The following PAPPA2 variants were observed in gnomAD, a reference collection of about 807,000 sequenced individuals.
PAPPA2 encodes pappalysin-2.
A neutral mutation model predicts 176.4 loss-of-function variants in PAPPA2; 86 were observed. The ratio of observed to expected loss-of-function variants is 0.49; its 90% CI spans 0.41 to 0.58. PAPPA2 has a LOEUF of 0.58. Among genes scored for constraint, PAPPA2 ranks in the 20% least tolerant of loss-of-function variants. The pLI is 0.00. For synonymous variants in PAPPA2, 809 were observed against 852.2 expected (o/e 0.95, Z 0.88); for missense variants, 2,073 against 2,256.9 (o/e 0.92, Z 1.65).
chr1:176,711,976 C>T lies in PAPPA2; in HGVS notation c.3793C>T (p.Leu1265Phe). Residue 1265 changes from leucine to phenylalanine, a missense_variant, in exon 12 of 23, where the codon CTC becomes TTC. By Grantham distance (22) the Leu-to-Phe change is conservative. This residue lies in a region of PAPPA2 where 846 missense variants were observed against 857.9 expected (regional missense o/e 0.99). Coordinates refer to ENST00000367662, the MANE Select transcript of PAPPA2 (RefSeq NM_020318.3). ...CCTGAAGAAAGAGGATGAGGTTTGGCTCAAAGTAAGTGGCCCAAATGTTTC... is the reference window on the plus strand; with the variant it reads ...CCTGAAGAAAGAGGATGAGGTTTGGTTCAAAGTAAGTGGCCCAAATGTTTC... ...GSLKKEDEVWLKVCFNRPGEA... is the reference protein window; with the variant it reads ...GSLKKEDEVWFKVCFNRPGEA... 6.2e-7 allele frequency: 1 copy of T among 1,610,914 alleles called. No individual in the cohort carries two copies. Among genetic ancestry groups the T allele is most frequent in the Non-Finnish European group, 8.5e-7 (1 of 1,177,422 alleles).
At chr1:176,497,057 A>G (rs1434039267) in intron 1 of PAPPA2, among the ~76,000 whole-genome samples, 1 of 152,114 alleles carries the variant, frequency 6.6e-6, no homozygotes, top group Admixed American at 6.6e-5. Context: ...GACCTGTGAC[A>G]CATATATGTT....
At chr1:176,660,021 A>G (rs755072628) in intron 3 of PAPPA2, among the ~76,000 whole-genome samples, 10 of 152,138 alleles carry the variant, frequency 6.6e-5, no homozygotes, top group South Asian at 4.1e-4. Context: ...CCTGTCATCT[A>G]GACTAAATAT....
intron 1 of PAPPA2, among the ~76,000 whole-genome samples, chr1:176,496,766 A>G (rs898902680): frequency 2.6e-5 from 4 of 152,214 alleles, no homozygotes; most frequent in African/African-American, 9.6e-5. Flanking sequence ...GAGCCTAAGA[A>G]GAAAGGAAAG....
intron 1 of PAPPA2, among the ~76,000 whole-genome samples, chr1:176,518,254 A>AT (rs1649025015): frequency 6.6e-6 from 1 of 152,162 alleles, no homozygotes; most frequent in Non-Finnish European, 1.5e-5. Context: ...CTAACTTTAA[A>AT]TAAGAATACA....
At chr1:176,726,923 T>C (rs903600114) in intron 12 of PAPPA2, among the ~76,000 whole-genome samples, 14 of 152,146 alleles carry the variant, frequency 9.2e-5, no homozygotes, top group African/African-American at 3.1e-4. Context: ...AAATAATATA[T>C]ATGACCACAA....
chr1:176,755,237 G>C (rs1663359289), intron 14 of PAPPA2, among the ~76,000 whole-genome samples: 1 of 152,180 alleles, frequency 6.6e-6, no homozygotes, highest in Non-Finnish European at 1.5e-5. Flanking sequence ...GAAGTAGGGA[G>C]AGGTAGAGTC....
intron 2 of PAPPA2, among the ~76,000 whole-genome samples, chr1:176,589,631 A>G (rs1298289366): frequency 6.6e-6 from 1 of 152,226 alleles, no homozygotes; most frequent in East Asian, 1.9e-4. Context: ...ATGGGCTATC[A>G]TAGTTCAGTT....
intron 21 of PAPPA2, among the ~76,000 whole-genome samples, chr1:176,823,745 C>T (rs1666753504): frequency 6.6e-6 from 1 of 152,126 alleles, no homozygotes; most frequent in African/African-American, 2.4e-5. Context: ...TTGGTCCTCC[C>T]ATTCACCAGA....
intron 5 of PAPPA2, 54 bp downstream of exon 5, chr1:176,690,484 G>A: frequency 1.3e-6 from 2 of 1,585,058 alleles, no homozygotes; most frequent in Non-Finnish European, 1.7e-6. Flanking sequence ...GGGCCTTTGA[G>A]AGCTGGGAGG....
intron 20 of PAPPA2, 53 bp from the exon 21 acceptor site, chr1:176,800,008 A>C: frequency 6.3e-7 from 1 of 1,598,264 alleles, no homozygotes; most frequent in South Asian, 1.1e-5. Flanking sequence ...CCCTTCTCAC[A>C]CACAACAAAT....
chr1:176,765,137 C>T (rs1663905806), intron 14 of PAPPA2, among the ~76,000 whole-genome samples: 1 of 152,196 alleles, frequency 6.6e-6, no homozygotes, highest in Non-Finnish European at 1.5e-5. Flanking sequence ...AAAATATTTC[C>T]ATACCAATCG....
rs187257027 is a variant in PAPPA2 at position 176,690,820 on chromosome 1, A to C, written c.2431+390A>C. On this transcript the variant is annotated intron_variant, in intron 5 of 22. Coordinates refer to ENST00000367662, the MANE Select transcript of PAPPA2 (RefSeq NM_020318.3). Reference sequence around the variant, plus strand: ...CAATGGAAATAAAGGAAAAGAGTTTATGGGTCAAGGTGGCCCATTGTACTG... The same window carrying C: ...CAATGGAAATAAAGGAAAAGAGTTTCTGGGTCAAGGTGGCCCATTGTACTG... 52 of 1,007,060 alleles carry C rather than the reference A, an allele frequency of 5.2e-5. No individual in the cohort carries two copies. The African/African-American group carries it at 8.1e-4, about 16-fold the overall frequency. 62.4% of individuals were successfully genotyped at this position (1,007,060 alleles called of 1,614,324 possible). A position where few individuals can be genotyped will look rare whatever the true frequency, so the allele number is the denominator to read the frequency against.
intron 3 of PAPPA2, among the ~76,000 whole-genome samples, chr1:176,601,248 A>G (rs1307749936): frequency 1.3e-5 from 2 of 152,204 alleles, no homozygotes; most frequent in African/African-American, 2.4e-5. Flanking sequence ...CACTAGATGC[A>G]GGCCTCTCGA....
At chr1:176,482,255 G>A (rs1177715261) in intron 1 of PAPPA2, among the ~76,000 whole-genome samples, 1 of 152,176 alleles carries the variant, frequency 6.6e-6, no homozygotes, top group Admixed American at 6.5e-5. Flanking sequence ...CCGAATAATG[G>A]CAGTCTTTAG....
intron 22 of PAPPA2, 40 bp downstream of exon 22, chr1:176,840,311 C>T (rs1257387209): frequency 1.3e-6 from 2 of 1,522,258 alleles, no homozygotes; most frequent in Non-Finnish European, 1.8e-6. Context: ...GCAGTGGCTT[C>T]AGGAATAAAG....
chr1:176,623,576 C>CTCCTTCCT (rs200667738), intron 3 of PAPPA2, among the ~76,000 whole-genome samples: 57 of 84,970 alleles, frequency 6.7e-4, no homozygotes, highest in African/African-American at 3.2e-3. Context: ...CCTTCCTTCC[C>CTCCTTCCT]TCCTTCCTTC....
At chr1:176,725,087 T>C (rs995378342) in intron 12 of PAPPA2, among the ~76,000 whole-genome samples, 11 of 152,222 alleles carry the variant, frequency 7.2e-5, no homozygotes, top group Non-Finnish European at 1.3e-4. Flanking sequence ...ACTACTTAAC[T>C]ACTACTTCCG....
Position 176,678,265 on chromosome 1 carries a change from A to G in PAPPA2, c.2137+7150A>G, listed in dbSNP as rs147372572. 3.9e-3 allele frequency among the ~76,000 whole-genome samples: 591 copies of G among 152,294 alleles called. 4 individuals are homozygous for G. The highest frequency in any genetic ancestry group is 6.7e-3 in the Non-Finnish European group (456 of 68,020). ...TCTTAGAGTAACACCTAAACATCCA[A>G]TAATAGGTTTAATAGTAGCAAAGAG... On this transcript the variant is annotated intron_variant, in intron 4 of 22. Coordinates refer to ENST00000367662, the MANE Select transcript of PAPPA2 (RefSeq NM_020318.3).
Position 176,769,792 on chromosome 1 carries a change from CTGG to C in PAPPA2, c.4501+10_4501+12del, listed in dbSNP as rs1557860206. On this transcript the variant is annotated intron_variant, in intron 16 of 22. Transcript: ENST00000367662. ...CACCAGCCAAGCTGCAAGGTATTGT[CTGG>C]TCAACCAGGAACTGTATGCAAGTTC... The C allele has an allele frequency of 1.3e-6, 2 of 1,596,642 alleles. No individual in the cohort carries two copies. The highest frequency in any genetic ancestry group is 1.7e-6 in the Non-Finnish European group (2 of 1,173,302).
Sources: allele counts gnomAD v4.1 joint callset (sites outside exome capture counted in the v4.1 genomes callset), GRCh38; gene constraint gnomAD v4.1.1; regional missense constraint gnomAD v4.1.1; transcripts MANE v1.5; gene names NCBI Gene and HGNC (gene_info 2026-07-23, HGNC 2026-07-21).